ZFHX3: variants seen among roughly 807,000 people sequenced by gnomAD.
ZFHX3 encodes the protein zinc finger homeobox protein 3.
Under a neutral mutation model 279.1 loss-of-function variants are expected in ZFHX3, and 42 were observed. That is an observed-to-expected ratio of 0.15 (90% CI 0.12 to 0.19). ZFHX3 has a LOEUF of 0.19. ZFHX3 is among the 10% of genes least tolerant of loss of function. The pLI is 1.00. For missense variants in ZFHX3, 4,981 were observed against 4,754.0 expected, an observed-to-expected ratio of 1.05 and a Z score of -1.40; for synonymous variants, 2,293 against 1,957.8, an observed-to-expected ratio of 1.17 and a Z score of -4.52.
chr16:73,048,526 T>C (rs781041187), upstream of ZFHX3, among the ~76,000 whole-genome samples: 128 of 152,088 alleles, frequency 8.4e-4, no homozygotes, highest in Non-Finnish European at 1.3e-3. Flanking sequence ...GCCCAGGCCC[T>C]CCCGGAGGCG....
Position 73,749,700 on chromosome 16 carries a change from A to G in ZFHX3, c.-1607-69460T>C, listed in dbSNP as rs190727573. Among the ~76,000 whole-genome samples, 293 of 152,326 alleles carry G rather than the reference A, an allele frequency of 1.9e-3. 1 individual carries two copies. Among genetic ancestry groups the G allele is most frequent in the Non-Finnish European group, 3.5e-3 (235 of 68,026 alleles). On this transcript the variant is annotated intron_variant, in intron 1 of 17. Coordinates refer to the ZFHX3 transcript ENST00000641206. Reference sequence around the variant, plus strand: ...AGAGAAAAGGCAGGACACCAATGCCACGTGCACTGGAATGCATCACAAACT... The same window carrying G: ...AGAGAAAAGGCAGGACACCAATGCCGCGTGCACTGGAATGCATCACAAACT...
chr16:73,879,278 G>C (rs2030063424), intron 1 of ZFHX3, among the ~76,000 whole-genome samples: 1 of 147,810 alleles, frequency 6.8e-6, no homozygotes, highest in South Asian at 2.1e-4. Context: ...GTCAGGAGCA[G>C]GTGGAGAAAA....
intron 7 of ZFHX3, chr16:72,808,103 A>C (rs2036325712): frequency 6.6e-6 from 1 of 152,220 alleles, no homozygotes; most frequent in South Asian, 2.1e-4. Context: ...TCTTCTAATA[A>C]AATGACAGTA....
At position 72,870,381 on chromosome 16, in the gene ZFHX3, C is replaced by T. The variant is rs1163544758; in HGVS notation, c.3448+19350G>A. Among the ~76,000 whole-genome samples, 3 of 136,788 alleles carry T rather than the reference C, an allele frequency of 2.2e-5. 1 individual carries two copies. Among genetic ancestry groups the T allele is most frequent in the Non-Finnish European group, 4.7e-5 (3 of 63,624 alleles). 89.7% of individuals were successfully genotyped at this position (136,788 alleles called of 152,430 possible). Reference sequence around the variant, plus strand: ...CACTCCAGCCTGGGTGACAGAGCTACAGAGCTAGACCCTGTCTTTAAAAAA... The same window carrying T: ...CACTCCAGCCTGGGTGACAGAGCTATAGAGCTAGACCCTGTCTTTAAAAAA... On this transcript the variant is annotated intron_variant, in intron 4 of 9. Coordinates refer to ENST00000268489, the MANE Select transcript of ZFHX3 (RefSeq NM_006885.4).
At chr16:73,130,786 T>G (rs1392078069) in intron 7 of ZFHX3, among the ~76,000 whole-genome samples, 2 of 152,176 alleles carry the variant, frequency 1.3e-5, no homozygotes, top group Non-Finnish European at 2.9e-5. Context: ...TTTTGTATTT[T>G]TAGTAGAGAC....
At chr16:73,452,982 C>T (rs977207465) in intron 3 of ZFHX3, among the ~76,000 whole-genome samples, 3 of 152,228 alleles carry the variant, frequency 2.0e-5, no homozygotes, top group East Asian at 1.9e-4. Flanking sequence ...TCCAGTCCTT[C>T]TCCATTGGGT....
At chr16:73,302,202 G>A (rs1051530304) in intron 4 of ZFHX3, among the ~76,000 whole-genome samples, 1 of 151,758 alleles carries the variant, frequency 6.6e-6, no homozygotes, top group Non-Finnish European at 1.5e-5. Flanking sequence ...TTTTTCCTCT[G>A]TCTTGGTTCT....
At chr16:73,325,903 ACACAC>A (rs2015672295) in intron 3 of ZFHX3, among the ~76,000 whole-genome samples, 1 of 81,840 alleles carries the variant, frequency 1.2e-5, no homozygotes, top group African/African-American at 4.1e-5. Flanking sequence ...ACACACACAA[ACACAC>A]ACACACACAC....
intron 3 of ZFHX3, among the ~76,000 whole-genome samples, chr16:72,946,555 A>G (rs1168785658): frequency 1.3e-5 from 2 of 152,170 alleles, no homozygotes; most frequent in Admixed American, 1.3e-4. Context: ...CTGATTTCCA[A>G]CTGCCCTTTC....
chr16:73,665,706 A>G (rs1419058863), intron 2 of ZFHX3, among the ~76,000 whole-genome samples: 1 of 151,810 alleles, frequency 6.6e-6, no homozygotes, highest in Non-Finnish European at 1.5e-5. Context: ...ATACAAATAA[A>G]TTTTAAAACC....
chr16:72,804,279 G>C (rs1238561544), intron 7 of ZFHX3, among the ~76,000 whole-genome samples: 1 of 152,164 alleles, frequency 6.6e-6, no homozygotes, highest in African/African-American at 2.4e-5. Context: ...AATAAACACT[G>C]TACAGGATCC....
At chr16:73,884,440 G>T (rs776145799) in intron 1 of ZFHX3, among the ~76,000 whole-genome samples, 5 of 152,170 alleles carry the variant, frequency 3.3e-5, no homozygotes, top group Non-Finnish European at 5.9e-5. Flanking sequence ...AAATCTTACA[G>T]GAGTGTGGAG....
intron 8 of ZFHX3, among the ~76,000 whole-genome samples, chr16:73,073,480 G>T (rs1302514989): frequency 2.0e-5 from 3 of 152,076 alleles, no homozygotes; most frequent in African/African-American, 4.8e-5. Context: ...AATGTCATAG[G>T]CCAAGGACTT....
chr16:72,851,524 A>G (rs562433858), intron 4 of ZFHX3, among the ~76,000 whole-genome samples: 47 of 151,714 alleles, frequency 3.1e-4, no homozygotes, highest in African/African-American at 1.1e-3. Context: ...GCTCCCAAAT[A>G]CCACAAGGGT....
chr16:72,885,222 G>A (rs769896779), intron 4 of ZFHX3, among the ~76,000 whole-genome samples: 2 of 152,214 alleles, frequency 1.3e-5, no homozygotes, highest in African/African-American at 2.4e-5. Flanking sequence ...GCAGAGCTCC[G>A]CCATGGCAGG....
At chr16:73,054,732 G>A (rs528199629) in intron 1 of ZFHX3, among the ~76,000 whole-genome samples, 7 of 152,094 alleles carry the variant, frequency 4.6e-5, no homozygotes, top group Admixed American at 2.6e-4. Context: ...CACAGCTGCC[G>A]CACTCAGTTT....
At chr16:72,966,649 G>A (rs1166769688) in intron 1 of ZFHX3, among the ~76,000 whole-genome samples, 1 of 152,166 alleles carries the variant, frequency 6.6e-6, no homozygotes, top group East Asian at 1.9e-4. Flanking sequence ...CATCGGAATG[G>A]CTGAACACAC....
At chr16:73,546,675 TGCTGCTGC>T (rs2020114886) in intron 2 of ZFHX3, among the ~76,000 whole-genome samples, 1 of 3,714 alleles carries the variant, frequency 2.7e-4, no homozygotes, top group Non-Finnish European at 4.2e-4. Context: ...CTGCTGTTGC[TGCTGCTGC>T]TGCTGCTGCT....
intron 2 of ZFHX3, among the ~76,000 whole-genome samples, chr16:73,595,267 T>A (rs1037102199): frequency 6.6e-6 from 1 of 152,200 alleles, no homozygotes; most frequent in African/African-American, 2.4e-5. Context: ...CACTCTCTTC[T>A]TCCGGGTCAG....
Sources: allele counts gnomAD v4.1 joint callset (sites outside exome capture counted in the v4.1 genomes callset), GRCh38; gene constraint gnomAD v4.1.1; transcripts MANE v1.5; gene names NCBI Gene and HGNC (gene_info 2026-07-23, HGNC 2026-07-21).